The following DOK6 variants were observed in gnomAD, a reference collection of about 807,000 sequenced individuals.
DOK6 encodes docking protein 6, also known as downstream of tyrosine kinase 6.
In DOK6, 22 loss-of-function variants were observed where a neutral mutation model predicts 44.0. The ratio of observed to expected loss-of-function variants is 0.50; its 90% CI spans 0.36 to 0.71. The LOEUF is 0.71. Among genes scored for constraint, DOK6 ranks in the 30% least tolerant of loss-of-function variants. The pLI, the probability that DOK6 is intolerant of heterozygous loss-of-function variation, is 0.00. For synonymous variants in DOK6, 166 were observed against 145.5 expected (o/e 1.14, Z -1.01); for missense variants, 340 against 416.4 (o/e 0.82, Z 1.60).
chr18:69,460,544 A>G (rs1979759595), intron 1 of DOK6, among the ~76,000 whole-genome samples: 1 of 152,168 alleles, frequency 6.6e-6, no homozygotes, highest in Non-Finnish European at 1.5e-5. Context: ...GAATATATTA[A>G]TGTTTCCGTA....
intron 1 of DOK6, among the ~76,000 whole-genome samples, chr18:69,419,818 T>G (rs1021822183): frequency 6.6e-6 from 1 of 152,116 alleles, no homozygotes; most frequent in Admixed American, 6.6e-5. Flanking sequence ...TTTGTTAAAT[T>G]GTTAAATAAG....
In DOK6 at chr18:69,687,421, C is replaced by T. The variant is rs182841684; in HGVS notation, c.409+9568C>T. Reference sequence around the variant, plus strand: ...AGGCCAGGCATGACGGTGGCTCACACCTGTGATCTCAGCATTTTGGGAGGC... The same window carrying T: ...AGGCCAGGCATGACGGTGGCTCACATCTGTGATCTCAGCATTTTGGGAGGC... On this transcript the variant is annotated intron_variant, in intron 4 of 7. Transcript: ENST00000382713. Among the ~76,000 whole-genome samples, 124 of 152,278 alleles carry T rather than the reference C, an allele frequency of 8.1e-4. No homozygotes were observed. The South Asian group carries it at 0.018, about 22-fold the overall frequency.
intron 5 of DOK6, 51 bp downstream of exon 5, chr18:69,698,644 CT>C (rs1271144895): frequency 6.4e-6 from 10 of 1,569,846 alleles, no homozygotes; most frequent in Non-Finnish European, 8.6e-6. Context: ...ATAACAGAGT[CT>C]GTATAACAGA....
chr18:69,719,409 T>G (rs1253999841), intron 5 of DOK6, among the ~76,000 whole-genome samples: 1 of 152,154 alleles, frequency 6.6e-6, no homozygotes, highest in East Asian at 1.9e-4. Context: ...GAAAAATACA[T>G]CAAAGACTTA....
intron 1 of DOK6, among the ~76,000 whole-genome samples, chr18:69,559,342 G>C (rs1982769703): frequency 6.6e-6 from 1 of 152,070 alleles, no homozygotes; most frequent in Non-Finnish European, 1.5e-5. Context: ...CAAGCTATGA[G>C]TAACAAAGTG....
intron 1 of DOK6, among the ~76,000 whole-genome samples, chr18:69,448,888 T>C (rs1171105450): frequency 6.6e-6 from 1 of 152,234 alleles, no homozygotes; most frequent in African/African-American, 2.4e-5. Context: ...TGGCAATATA[T>C]TTCAATTGCC....
At chr18:69,404,417 G>A (rs1464329623) in intron 1 of DOK6, among the ~76,000 whole-genome samples, 3 of 152,146 alleles carry the variant, frequency 2.0e-5, no homozygotes, top group Non-Finnish European at 2.9e-5. Context: ...TTTTTGGTTT[G>A]CAGCCAAACT....
chr18:69,757,631 G>T, intron 6 of DOK6, 125 bp from the exon 7 acceptor site: 1 of 719,294 alleles, frequency 1.4e-6, no homozygotes, highest in East Asian at 2.5e-5. Context: ...CCTTACACCG[G>T]GGATCATGCA....
At chr18:69,540,735 T>C (rs966982325) in intron 1 of DOK6, among the ~76,000 whole-genome samples, 8 of 149,354 alleles carry the variant, frequency 5.4e-5, no homozygotes, top group African/African-American at 2.1e-4. Flanking sequence ...TTAACACTTA[T>C]CTTAGTGAAA....
chr18:69,476,499 G>A (rs764960567), intron 1 of DOK6, among the ~76,000 whole-genome samples: 1 of 151,796 alleles, frequency 6.6e-6, no homozygotes, highest in Non-Finnish European at 1.5e-5. Context: ...GGAGGAAATC[G>A]ATGGCATTCT....
At chr18:69,804,736 C>G (rs1981004055) in intron 7 of DOK6, among the ~76,000 whole-genome samples, 2 of 152,126 alleles carry the variant, frequency 1.3e-5, no homozygotes, top group African/African-American at 2.4e-5. Flanking sequence ...AGGACCAAAC[C>G]AGTTCAGCCT....
At chr18:69,562,670 A>G (rs1982865618) in intron 1 of DOK6, among the ~76,000 whole-genome samples, 2 of 152,204 alleles carry the variant, frequency 1.3e-5, no homozygotes, top group African/African-American at 2.4e-5. Flanking sequence ...GAAAGACTTA[A>G]ATGTCAGACC....
chr18:69,622,329 A>G (rs565747648), intron 3 of DOK6, among the ~76,000 whole-genome samples: 108 of 152,336 alleles, frequency 7.1e-4, no homozygotes, highest in African/African-American at 2.5e-3. Context: ...CAAGCTTCGT[A>G]TTGTGGAAAC....
rs33984456 is a variant in DOK6 at position 69,401,369 on chromosome 18, T to TGG, written c.66+68_66+69dup. ...CGCTCGTTCGGCCCGGCTGGCTGCCTGGGGGGGGGGCAGGGAGAGGTGACC... is the reference window on the plus strand; with the variant it reads ...CGCTCGTTCGGCCCGGCTGGCTGCCTGGGGGGGGGGGGCAGGGAGAGGTGACC... On this transcript the variant is annotated intron_variant, in intron 1 of 7. Coordinates refer to ENST00000382713, the MANE Select transcript of DOK6 (RefSeq NM_152721.6). 103 of 1,251,658 alleles carry TGG rather than the reference T, an allele frequency of 8.2e-5. 1 individual carries two copies. In the East Asian group the frequency reaches 1.0e-3, roughly 13 times the overall value. 77.5% of individuals were successfully genotyped at this position (1,251,658 alleles called of 1,614,324 possible).
intron 1 of DOK6, among the ~76,000 whole-genome samples, chr18:69,558,742 G>A (rs1982752109): frequency 6.6e-6 from 1 of 152,102 alleles, no homozygotes; most frequent in African/African-American, 2.4e-5. Context: ...AGACTAAGGA[G>A]ACAGAACAAC....
intron 5 of DOK6, among the ~76,000 whole-genome samples, chr18:69,733,179 C>T (rs1366231957): frequency 6.8e-6 from 1 of 146,818 alleles, no homozygotes; most frequent in Non-Finnish European, 1.5e-5. Context: ...TAGAGTGAGA[C>T]CTTGTCTCTA....
chr18:69,689,821 ACT>A (rs1350368621), intron 4 of DOK6, among the ~76,000 whole-genome samples: 2 of 152,168 alleles, frequency 1.3e-5, no homozygotes, highest in Non-Finnish European at 2.9e-5. Flanking sequence ...AAATTGGCTT[ACT>A]TTTAATATTC....
At chr18:69,545,357 A>G (rs1399083977) in intron 1 of DOK6, among the ~76,000 whole-genome samples, 3 of 150,322 alleles carry the variant, frequency 2.0e-5, no homozygotes, top group Non-Finnish European at 4.5e-5. Context: ...TCTTATTGTA[A>G]TGATGACAGT....
intron 1 of DOK6, among the ~76,000 whole-genome samples, chr18:69,403,827 A>G (rs1916147610): frequency 6.6e-6 from 1 of 152,226 alleles, no homozygotes; most frequent in South Asian, 2.1e-4. Context: ...ACCCCAAATC[A>G]TAAAAATTGA....
Sources: allele counts gnomAD v4.1 joint callset (sites outside exome capture counted in the v4.1 genomes callset), GRCh38; gene constraint gnomAD v4.1.1; transcripts MANE v1.5; gene names NCBI Gene and HGNC (gene_info 2026-07-23, HGNC 2026-07-21).